Variants in ERC2 observed in about 807,000 individuals in gnomAD.
ERC2 encodes the protein ELKS/RAB6-interacting/CAST family member 2.
ERC2 carries 42 observed loss-of-function variants against 114.8 expected under a neutral mutation model. The ratio of observed to expected loss-of-function variants is 0.37; its 90% CI spans 0.29 to 0.47. The LOEUF (loss-of-function observed/expected upper bound fraction) is 0.47, where lower values mean the gene tolerates loss of function less well. Ranked by LOEUF, ERC2 falls within the 20% of genes least tolerant of loss-of-function variation. ERC2 has a pLI of 0.99. For synonymous variants in ERC2, 454 were observed against 425.5 expected (o/e 1.07, Z -0.82); for missense variants, 939 against 1,150.7 (o/e 0.82, Z 2.66).
chr3:56,236,319 G>A (rs1034586500), intron 3 of ERC2, among the ~76,000 whole-genome samples: 3 of 151,598 alleles, frequency 2.0e-5, no homozygotes, highest in Admixed American at 1.3e-4. Context: ...ATATCCACTC[G>A]AAGAAAATCA....
At chr3:55,906,400 C>G (rs1433940198) in intron 13 of ERC2, among the ~76,000 whole-genome samples, 1 of 146,674 alleles carries the variant, frequency 6.8e-6, no homozygotes, top group East Asian at 2.0e-4. Context: ...CCACTGCACT[C>G]CAGCCTGGGT....
At chr3:55,863,104 G>T (rs192445875) in intron 14 of ERC2, among the ~76,000 whole-genome samples, 1 of 152,176 alleles carries the variant, frequency 6.6e-6, no homozygotes, top group Admixed American at 6.5e-5. Flanking sequence ...GGAGCAAAAG[G>T]AGACCACAGA....
At chr3:56,042,923 C>T (rs1289601915) in intron 7 of ERC2, among the ~76,000 whole-genome samples, 7 of 152,108 alleles carry the variant, frequency 4.6e-5, no homozygotes, top group East Asian at 1.9e-4. Context: ...TGTCCTAAAA[C>T]GGAACATCCT....
At chr3:56,420,894 C>G (rs2061363575) in intron 2 of ERC2, among the ~76,000 whole-genome samples, 2 of 145,162 alleles carry the variant, frequency 1.4e-5, no homozygotes, top group Non-Finnish European at 3.0e-5. Flanking sequence ...AAGACTCCGT[C>G]TCAAAAAAAA....
At chr3:55,993,956 A>G (rs1385482369) in intron 10 of ERC2, among the ~76,000 whole-genome samples, 1 of 152,178 alleles carries the variant, frequency 6.6e-6, no homozygotes, top group Admixed American at 6.5e-5. Context: ...AATGTAGAGC[A>G]GAAATTCTAT....
At chr3:56,458,289 T>G (rs1014701330) in intron 1 of ERC2, among the ~76,000 whole-genome samples, 7 of 152,114 alleles carry the variant, frequency 4.6e-5, no homozygotes, top group Admixed American at 3.3e-4. Flanking sequence ...TTGGACTAGA[T>G]GATAGAGAAA....
intron 6 of ERC2, among the ~76,000 whole-genome samples, chr3:56,126,792 G>GAAGGAAAGGGAAGGGAAGGA (rs2079891251): frequency 3.2e-5 from 2 of 62,922 alleles, no homozygotes; most frequent in East Asian, 4.0e-4. Context: ...AGAAAAGAAA[G>GAAGGAAAGGGAAGGGAAGGA]AAGGAAAGGA....
chr3:55,672,338 CAAA>C (rs546940629), intron 17 of ERC2, among the ~76,000 whole-genome samples: 33 of 100,316 alleles, frequency 3.3e-4, no homozygotes, highest in Non-Finnish European at 4.0e-4. Flanking sequence ...GACCCTATCT[CAAA>C]AAAAAAAAAA....
At chr3:56,311,985 G>T (rs191590640) in intron 2 of ERC2, among the ~76,000 whole-genome samples, 1 of 152,136 alleles carries the variant, frequency 6.6e-6, no homozygotes, top group Admixed American at 6.5e-5. Context: ...AAAAAATATA[G>T]CATAAGAACT....
chr3:56,127,727 GA>G (rs202062338), intron 6 of ERC2, among the ~76,000 whole-genome samples: 4,197 of 81,380 alleles, frequency 0.052, 109 homozygotes, highest in African/African-American at 0.11. Context: ...TGTCTCAAAA[GA>G]AAAAAAAAAA....
chr3:55,827,299 GAGAAAGAA>G (rs148957184), intron 14 of ERC2, among the ~76,000 whole-genome samples: 273 of 150,602 alleles, frequency 1.8e-3, no homozygotes, highest in African/African-American at 5.5e-3. Flanking sequence ...AAAAAAGGAA[GAGAAAGAA>G]AGAAAGAAAG....
At chr3:56,054,321 G>T (rs912814922) in intron 7 of ERC2, among the ~76,000 whole-genome samples, 6 of 152,152 alleles carry the variant, frequency 3.9e-5, no homozygotes, top group African/African-American at 1.4e-4. Context: ...GTTGAACGGG[G>T]GAGATTTAGT....
chr3:56,437,414 T>C (rs2062072922), intron 1 of ERC2, among the ~76,000 whole-genome samples: 1 of 152,244 alleles, frequency 6.6e-6, no homozygotes, highest in Non-Finnish European at 1.5e-5. Context: ...ATGTCACTGA[T>C]GTTTTGTGGT....
At chr3:56,034,401 C>T (rs918070319) in intron 7 of ERC2, among the ~76,000 whole-genome samples, 8 of 152,172 alleles carry the variant, frequency 5.3e-5, no homozygotes, top group African/African-American at 1.9e-4. Context: ...GACTTCAGTA[C>T]TCATTTTAAA....
At chr3:56,258,649 G>A (rs1020113312) in intron 3 of ERC2, among the ~76,000 whole-genome samples, 9 of 152,162 alleles carry the variant, frequency 5.9e-5, no homozygotes, top group Admixed American at 5.2e-4. Context: ...GCGAGACTCC[G>A]TCTCAAGAAA....
intron 14 of ERC2, among the ~76,000 whole-genome samples, chr3:55,847,656 CG>C (rs1388939245): frequency 6.7e-6 from 1 of 149,602 alleles, no homozygotes; most frequent in Non-Finnish European, 1.5e-5. Context: ...CATATGGTGC[CG>C]GGAGGACAGA....
chr3:56,297,561 C>A (rs1208242363), intron 2 of ERC2, among the ~76,000 whole-genome samples: 2 of 152,352 alleles, frequency 1.3e-5, no homozygotes, highest in Non-Finnish European at 2.9e-5. Context: ...GACAAACCCC[C>A]AGGCTGGTCA....
intron 17 of ERC2, among the ~76,000 whole-genome samples, chr3:55,653,262 C>CT (rs1359629578): frequency 1.3e-5 from 2 of 152,104 alleles, no homozygotes; most frequent in South Asian, 2.1e-4. Context: ...TCTGTAATCA[C>CT]TTTTTTCATG....
chr3:55,613,669 G>T (rs1300711744), intron 17 of ERC2, among the ~76,000 whole-genome samples: 3 of 152,040 alleles, frequency 2.0e-5, no homozygotes, highest in African/African-American at 7.2e-5. Context: ...TAATGGCAAG[G>T]GAACTGACTA....
Sources: gnomAD v4.1 joint callset for allele counts (sites outside exome capture counted in the v4.1 genomes callset) on GRCh38, gnomAD v4.1.1 for gene constraint, MANE v1.5 for transcripts, NCBI Gene and HGNC (gene_info 2026-07-23, HGNC 2026-07-21) for gene names.